The following SMOC2 variants were observed in gnomAD, a reference collection of about 807,000 sequenced individuals.
SMOC2 encodes the protein SPARC-related modular calcium-binding protein 2.
A neutral mutation model predicts 61.4 loss-of-function variants in SMOC2; 39 were observed. The ratio of observed to expected loss-of-function variants is 0.64; its 90% CI spans 0.49 to 0.83. The LOEUF is 0.83. SMOC2 is among the 40% of genes least tolerant of loss of function. SMOC2 has a pLI of 0.00. For synonymous variants in SMOC2, 247 were observed against 239.9 expected (o/e 1.03, Z -0.27); for missense variants, 556 against 592.9 (o/e 0.94, Z 0.65).
chr6:168,614,347 ACCTCTTCATACCTACAGCCAGCACAGGG>A lies in SMOC2; in HGVS notation c.907+6143_907+6170del, dbSNP rs1325469151. Among the ~76,000 whole-genome samples the A allele has an allele frequency of 1.7e-3, 48 of 28,212 alleles. 2 individuals are homozygous for A. Among genetic ancestry groups the A allele is most frequent in the African/African-American group, 7.6e-3 (46 of 6,062 alleles). The allele number at this position is 28,212 out of a possible 152,430, so 18.5% of individuals were successfully genotyped here. On this transcript the variant is annotated intron_variant, in intron 9 of 12. Coordinates refer to ENST00000356284, the MANE Select transcript of SMOC2 (RefSeq NM_001166412.2). ...TCTTCATACCTACAGCCAGCACAGG[ACCTCTTCATACCTACAGCCAGCACAGGG>A]CCTCTTCATACCTACAGCCAGCACA...
chr6:168,568,354 C>T (rs1418251431), intron 7 of SMOC2, among the ~76,000 whole-genome samples: 1 of 152,224 alleles, frequency 6.6e-6, no homozygotes. Context: ...GCAGAAAGCG[C>T]AGAGTTTCCA....
chr6:168,608,057 G>A lies in SMOC2; in HGVS notation c.825-100G>A, dbSNP rs758769346. ...TAGCATCAGAGCCACAGGTCACGGT[G>A]TATGCTAGGGTAGGACACTCCAGAA... On this transcript the variant is annotated intron_variant, in intron 8 of 12. Coordinates refer to ENST00000356284, the MANE Select transcript of SMOC2 (RefSeq NM_001166412.2). 60 of 1,049,048 alleles carry A rather than the reference G, an allele frequency of 5.7e-5. 1 individual carries two copies. Among genetic ancestry groups the A allele is most frequent in the Middle Eastern group, 2.1e-4 (1 of 4,864 alleles). 65.0% of individuals were successfully genotyped at this position (1,049,048 alleles called of 1,614,324 possible). A position where few individuals can be genotyped will look rare whatever the true frequency, so the allele number is the denominator to read the frequency against.
chr6:168,592,340 C>G (rs11966826), intron 7 of SMOC2, among the ~76,000 whole-genome samples: 9,122 of 94,346 alleles, frequency 0.097, 618 homozygotes, highest in Admixed American at 0.12. Flanking sequence ...AGAGGATCTC[C>G]GAGCTCCTCC....
At chr6:168,618,698 C>T (rs753128218) in intron 9 of SMOC2, among the ~76,000 whole-genome samples, 3 of 152,050 alleles carry the variant, frequency 2.0e-5, no homozygotes, top group Non-Finnish European at 2.9e-5. Context: ...AGGAATGTCC[C>T]GCATGGGGTG....
intron 1 of SMOC2, among the ~76,000 whole-genome samples, chr6:168,507,159 A>G (rs1782890819): frequency 6.6e-6 from 1 of 152,150 alleles, no homozygotes; most frequent in Non-Finnish European, 1.5e-5. Context: ...CTTTCCCTTT[A>G]GAGAAAATGA....
intron 7 of SMOC2, among the ~76,000 whole-genome samples, chr6:168,590,171 G>T (rs112887815): frequency 1.4e-4 from 19 of 140,576 alleles, no homozygotes; most frequent in South Asian, 4.9e-4. Context: ...CAGCCTGGTG[G>T]TGGTCAGGTG....
Position 168,510,019 on chromosome 6 carries a change from T to C in SMOC2, c.189T>C (p.Arg63=). ...CTGACGGAAGGACCTTCCTTTCCCG[T>C]TGTGAATTTCAACGTGCCAAGTGCA... ...CASDGRTFLS[R]CEFQRAKCKD... The change falls in exon 2 of 13, where the codon CGT becomes CGC. Residue 63 remains arginine, a synonymous_variant. Transcript: ENST00000356284. The C allele has an allele frequency of 6.2e-7, 1 of 1,614,222 alleles. No individual in the cohort carries two copies. Among genetic ancestry groups the C allele is most frequent in the Non-Finnish European group, 8.5e-7 (1 of 1,180,046 alleles).
chr6:168,560,404 T>A (rs1583110156), intron 7 of SMOC2, among the ~76,000 whole-genome samples: 1 of 152,396 alleles, frequency 6.6e-6, no homozygotes, highest in Admixed American at 6.5e-5. Context: ...AGAGTCATGG[T>A]TACTGACAAA....
intron 11 of SMOC2, among the ~76,000 whole-genome samples, chr6:168,662,125 T>TA (rs1787524718): frequency 2.0e-5 from 3 of 152,230 alleles, no homozygotes; most frequent in South Asian, 4.1e-4. Flanking sequence ...GGATGAAGGA[T>TA]ACTTCCCTCA....
chr6:168,650,911 A>G, intron 10 of SMOC2, 128 bp downstream of exon 10: 1 of 795,850 alleles, frequency 1.3e-6, no homozygotes, highest in Admixed American at 2.9e-5. Flanking sequence ...CTTAAAAAGG[A>G]GCCTTCTGCA....
chr6:168,477,259 T>G (rs1360836582), intron 1 of SMOC2, among the ~76,000 whole-genome samples: 1 of 152,222 alleles, frequency 6.6e-6, no homozygotes, highest in Non-Finnish European at 1.5e-5. Context: ...CAAGCCTGTG[T>G]GAGGACTGCA....
intron 8 of SMOC2, among the ~76,000 whole-genome samples, chr6:168,603,119 C>G (rs1034327626): frequency 6.6e-6 from 1 of 152,000 alleles, no homozygotes; most frequent in South Asian, 2.1e-4. Context: ...TGACATTTCC[C>G]CTGCTTGCAC....
At chr6:168,608,128 T>A in intron 8 of SMOC2, 29 bp from the exon 9 acceptor site, 1 of 1,593,596 alleles carries the variant, frequency 6.3e-7, no homozygotes, top group Non-Finnish European at 8.6e-7. Context: ...GTTTTCTCTC[T>A]CCTTCCCCCG....
At chr6:168,588,853 G>A (rs912233531) in intron 7 of SMOC2, among the ~76,000 whole-genome samples, 6 of 152,234 alleles carry the variant, frequency 3.9e-5, no homozygotes, top group South Asian at 4.1e-4. Context: ...AGAACTTTGG[G>A]AGGTCAGGGG....
chr6:168,544,000 T>C (rs1489008683), intron 5 of SMOC2, among the ~76,000 whole-genome samples: 1 of 152,174 alleles, frequency 6.6e-6, no homozygotes, highest in African/African-American at 2.4e-5. Flanking sequence ...TGTGGGATTC[T>C]AAACCATTGC....
In SMOC2 at chr6:168,443,239, CT is replaced by C. The variant is rs551058246; in HGVS notation, c.84+1786del. The stretch of plus-strand genomic sequence containing the variant: ...GTGGGGTTGGGCCTGTTGGTCCCCC[CT>C]GGAAGAGCAGAATCAAGGTAGTTAG... On this transcript the variant is annotated intron_variant, in intron 1 of 12. Transcript: ENST00000356284. Among the ~76,000 whole-genome samples the C allele has an allele frequency of 1.8e-3, 268 of 152,252 alleles. 1 individual carries two copies. The highest frequency in any genetic ancestry group is 3.4e-3 in the Middle Eastern group (1 of 294).
At chr6:168,549,257 A>G in intron 7 of SMOC2, 54 bp downstream of exon 7, 1 of 1,548,216 alleles carries the variant, frequency 6.5e-7, no homozygotes, top group South Asian at 1.1e-5. Flanking sequence ...GATCTAGAAA[A>G]TGATGGGGTT....
At chr6:168,603,567 C>G (rs1307028031) in intron 8 of SMOC2, among the ~76,000 whole-genome samples, 2 of 152,064 alleles carry the variant, frequency 1.3e-5, no homozygotes, top group African/African-American at 4.8e-5. Flanking sequence ...GTATTGGGAG[C>G]TGGGGATACA....
chr6:168,494,815 C>A (rs780614042), intron 1 of SMOC2, among the ~76,000 whole-genome samples: 1 of 152,218 alleles, frequency 6.6e-6, no homozygotes, highest in Non-Finnish European at 1.5e-5. Flanking sequence ...GGGCGGGCAC[C>A]ACTTCGCTCC....
Sources: allele counts gnomAD v4.1 joint callset (sites outside exome capture counted in the v4.1 genomes callset), GRCh38; gene constraint gnomAD v4.1.1; transcripts MANE v1.5; gene names NCBI Gene and HGNC (gene_info 2026-07-23, HGNC 2026-07-21).